RBM26: variants seen among roughly 807,000 people sequenced by gnomAD.
RBM26 encodes RNA-binding protein 26.
RBM26 carries 30 observed loss-of-function variants against 123.6 expected under a neutral mutation model. The ratio of observed to expected loss-of-function variants is 0.24; its 90% CI spans 0.18 to 0.33. RBM26 has a LOEUF of 0.33. Ranked by LOEUF, RBM26 falls within the 10% of genes least tolerant of loss-of-function variation. The pLI is 1.00. For synonymous variants in RBM26, 400 were observed against 404.4 expected, an observed-to-expected ratio of 0.99 and a Z score of 0.13; for missense variants, 947 against 1,203.6, an observed-to-expected ratio of 0.79 and a Z score of 3.15.
rs1477425063 is a variant in RBM26 at position 79,354,546 on chromosome 13, G to C, written c.1879C>G (p.Pro627Ala). 6.2e-7 allele frequency: 1 copy of C among 1,603,436 alleles called. No individual in the cohort carries two copies. The highest frequency in any genetic ancestry group is 1.1e-5 in the South Asian group (1 of 89,598). ...GACTGCTTCACAACAGGCAAAATGGGCTGCTGGACTAAAGGCTGCATTACC... is the reference window on the plus strand; with the variant it reads ...GACTGCTTCACAACAGGCAAAATGGCCTGCTGGACTAAAGGCTGCATTACC... The part of the protein sequence containing the change: ...PKVMQPLVQQ[P>A]ILPVVKQSVK... Residue 627 changes from proline (P) to alanine (A), a missense_variant, in exon 13 of 22, where the codon CCC (proline) becomes GCC (alanine). This residue lies in a region of RBM26 where 493 missense variants were observed against 563.1 expected (regional missense o/e 0.88). Coordinates refer to ENST00000438737, the MANE Select transcript of RBM26 (RefSeq NM_001366735.2).
At chr13:79,353,815 G>A (rs1012951562) in intron 13 of RBM26, among the ~76,000 whole-genome samples, 4 of 151,958 alleles carry the variant, frequency 2.6e-5, no homozygotes, top group African/African-American at 4.8e-5. Context: ...CTGAAACATC[G>A]GGAGACAAAG....
At chr13:79,331,699 C>T (rs1457395317) in intron 20 of RBM26, among the ~76,000 whole-genome samples, 1 of 151,820 alleles carries the variant, frequency 6.6e-6, no homozygotes, top group East Asian at 1.9e-4. Flanking sequence ...TGTTCTGATT[C>T]TTCTAAAACA....
chr13:79,370,359 A>AT (rs2075756454), intron 5 of RBM26, among the ~76,000 whole-genome samples: 1 of 152,134 alleles, frequency 6.6e-6, no homozygotes, highest in Admixed American at 6.5e-5. Flanking sequence ...ATACATATGT[A>AT]TTGTCCTGCT....
chr13:79,368,670 C>T (rs2075583511), intron 6 of RBM26, 60 bp downstream of exon 6: 3 of 1,511,042 alleles, frequency 2.0e-6, no homozygotes, highest in Non-Finnish European at 2.7e-6. Flanking sequence ...AACATAAACA[C>T]AGAATTTAGG....
chr13:79,336,313 T>C (rs2070391395), intron 19 of RBM26, among the ~76,000 whole-genome samples: 1 of 152,226 alleles, frequency 6.6e-6, no homozygotes, highest in African/African-American at 2.4e-5. Flanking sequence ...AATTTGATTA[T>C]AAATTATGTC....
At chr13:79,341,918 C>G (rs1030986628) in intron 17 of RBM26, among the ~76,000 whole-genome samples, 7 of 151,704 alleles carry the variant, frequency 4.6e-5, no homozygotes, top group African/African-American at 1.7e-4. Context: ...GACTTTACAC[C>G]TTTAGTGGAA....
At chr13:79,365,746 A>G (rs924674908) in intron 8 of RBM26, 28 bp from the exon 9 acceptor site, 1 of 1,596,220 alleles carries the variant, frequency 6.3e-7, no homozygotes, top group Non-Finnish European at 8.5e-7. Context: ...GTAATTAAAA[A>G]ACAATTATAA....
chr13:79,338,432 G>C (rs2070826136), intron 18 of RBM26, among the ~76,000 whole-genome samples: 1 of 152,066 alleles, frequency 6.6e-6, no homozygotes, highest in Non-Finnish European at 1.5e-5. Context: ...ATGAATCAAA[G>C]GAGGAGCAAA....
chr13:79,386,939 A>AT lies in RBM26; in HGVS notation c.72-8033dup, dbSNP rs554308239. ...CTGTTGGATAAATTTGGCTGAGTCG[A>AT]TTAAGCCTTTAACCTTTTTCTCATA... On this transcript the variant is annotated intron_variant, in intron 1 of 21. Coordinates refer to ENST00000438737, the MANE Select transcript of RBM26 (RefSeq NM_001366735.2). 2.7e-3 allele frequency among the ~76,000 whole-genome samples: 415 copies of AT among 152,302 alleles called. 3 individuals are homozygous for AT. The highest frequency in any genetic ancestry group is 9.2e-3 in the African/African-American group (383 of 41,586).
At chr13:79,354,345 TA>T in intron 13 of RBM26, 93 bp downstream of exon 13, 1 of 1,094,654 alleles carries the variant, frequency 9.1e-7, no homozygotes, top group Non-Finnish European at 1.2e-6. Context: ...TATTTCTATG[TA>T]AAATATATAC....
Position 79,358,341 on chromosome 13 carries a change from G to A in RBM26, c.1622C>T (p.Pro541Leu). 8.7e-6 allele frequency: 14 copies of A among 1,611,684 alleles called. No individual in the cohort carries two copies. Among genetic ancestry groups the A allele is most frequent in the Non-Finnish European group, 1.2e-5 (14 of 1,178,974 alleles). ...NTKLELRKVP[P>L]ELNNISKLNE... Reference sequence around the variant, plus strand: ...AAGTTTGCTGATATTATTTAATTCTGGAGGAACTTTTCTAAGTTCAAGCTT... The same window carrying A: ...AAGTTTGCTGATATTATTTAATTCTAGAGGAACTTTTCTAAGTTCAAGCTT... The change falls in exon 11 of 22, where the codon CCA becomes CTA. Residue 541 changes from proline to leucine, a missense_variant. Around this residue, in one of 5 missense-constraint regions of RBM26, gnomAD observed 493 missense variants for 563.1 expected, o/e 0.88. Coordinates refer to ENST00000438737, the MANE Select transcript of RBM26 (RefSeq NM_001366735.2).
chr13:79,375,807 A>G (rs2076623781), intron 3 of RBM26, among the ~76,000 whole-genome samples: 2 of 151,812 alleles, frequency 1.3e-5, no homozygotes, highest in African/African-American at 4.8e-5. Flanking sequence ...ATTTTATTGC[A>G]TAATAAAATG....
Position 79,371,089 on chromosome 13 carries a change from A to C in RBM26, c.490T>G (p.Ser164Ala). The change falls in exon 5 of 22, where the codon TCA (serine) becomes GCA (alanine). Residue 164 changes from serine (S) to alanine (A), a missense_variant. Around this residue, in one of 5 missense-constraint regions of RBM26, gnomAD observed 275 missense variants for 361.0 expected, o/e 0.76. Transcript: ENST00000438737. Reference protein sequence around the residue: ...DYDRNPPRRDSYRDRYNRRRG... With the variant: ...DYDRNPPRRDAYRDRYNRRRG... ...CTTCTATTGTACCGGTCTCTGTATG[A>C]ATCTCTTCGAGGAGGGTTTCGATCA... 1.2e-6 allele frequency: 2 copies of C among 1,614,142 alleles called. No individual in the cohort carries two copies. The highest frequency in any genetic ancestry group is 1.7e-6 in the Non-Finnish European group (2 of 1,180,006).
At chr13:79,365,802 CAA>C in intron 8 of RBM26, 84 bp from the exon 9 acceptor site, 1 of 1,217,320 alleles carries the variant, frequency 8.2e-7, no homozygotes, top group South Asian at 1.4e-5. Flanking sequence ...AAAAAGTAAA[CAA>C]TATAACATAT....
At chr13:79,313,085 T>TA (rs1233821837) in exon 5 of RBM26, 1 of 151,806 alleles carries the variant, frequency 6.6e-6, no homozygotes, top group African/African-American at 2.4e-5. Context: ...AAAATATAGA[T>TA]ATATAAAAGG....
intron 9 of RBM26, among the ~76,000 whole-genome samples, chr13:79,365,182 C>CCTA (rs2075129721): frequency 6.6e-6 from 1 of 152,132 alleles, no homozygotes; most frequent in African/African-American, 2.4e-5. Flanking sequence ...GGGGCTCAAG[C>CCTA]CTATAATCCC....
chr13:79,360,168 C>G (rs2139699417), intron 9 of RBM26, among the ~76,000 whole-genome samples: 1 of 152,056 alleles, frequency 6.6e-6, no homozygotes, highest in South Asian at 2.1e-4. Flanking sequence ...TTGTTTAGCT[C>G]TTACTGTGTC....
intron 11 of RBM26, among the ~76,000 whole-genome samples, chr13:79,357,694 A>C (rs1007019406): frequency 1.1e-4 from 17 of 152,182 alleles, no homozygotes; most frequent in Non-Finnish European, 1.9e-4. Flanking sequence ...ATTTTGAGAA[A>C]CTGAGGAACT....
At chr13:79,314,335 T>A (rs2066990330), downstream of RBM26, 1 of 151,692 alleles carries the variant, frequency 6.6e-6, no homozygotes, top group African/African-American at 2.4e-5. Flanking sequence ...AATCCACAGA[T>A]CATCATTTGT....
Sources: allele counts gnomAD v4.1 joint callset (sites outside exome capture counted in the v4.1 genomes callset), GRCh38; gene constraint gnomAD v4.1.1; regional missense constraint gnomAD v4.1.1; transcripts MANE v1.5; gene names NCBI Gene and HGNC (gene_info 2026-07-23, HGNC 2026-07-21).